ZNF335: variants seen among roughly 807,000 people sequenced by gnomAD.
The protein encoded by ZNF335 is zinc finger protein 335, also known as NRC-interacting factor 1.
ZNF335 carries 84 observed loss-of-function variants against 145.6 expected under a neutral mutation model. The ratio of observed to expected loss-of-function variants is 0.58; its 90% confidence interval spans 0.48 to 0.69. ZNF335 has a LOEUF of 0.69. Ranked by LOEUF, ZNF335 falls within the 30% of genes least tolerant of loss-of-function variation. The pLI is 0.00. For missense variants in ZNF335, 1,865 were observed against 1,809.7 expected, an observed-to-expected ratio of 1.03 and a Z score of -0.55; for synonymous variants, 761 against 717.0, an observed-to-expected ratio of 1.06 and a Z score of -0.98.
chr20:45,963,778 C>T lies in ZNF335; in HGVS notation c.1315G>A (p.Gly439Ser). Reference protein sequence around the residue: ...DEHDTLPRRRGRPSRRFLGKK... With the variant: ...DEHDTLPRRRSRPSRRFLGKK... ...CCTAGGAAGCGCCTGGAAGGTCGACCTCGGCGCCGGGGCAGAGTGTCATGC... is the reference window on the plus strand; with the variant it reads ...CCTAGGAAGCGCCTGGAAGGTCGACTTCGGCGCCGGGGCAGAGTGTCATGC... Residue 439 changes from glycine (G) to serine (S), a missense_variant, in exon 8 of 28, where the codon GGT becomes AGT. Physicochemically the swap from Gly to Ser is moderately conservative, Grantham distance 56. Coordinates refer to ENST00000322927, the MANE Select transcript of ZNF335 (RefSeq NM_022095.4). 3 of 1,614,184 alleles carry T rather than the reference C, an allele frequency of 1.9e-6. No individual in the cohort carries two copies. The highest frequency in any genetic ancestry group is 2.5e-6 in the Non-Finnish European group (3 of 1,180,006).
At chr20:45,964,294 TACAG>T in intron 7 of ZNF335, 1 of 317,458 alleles carries the variant, frequency 3.2e-6, no homozygotes, top group East Asian at 5.2e-5. Flanking sequence ...GCTGTGCACC[TACAG>T]ACAAAGCCAT....
In ZNF335 at chr20:45,952,318, CGGG is replaced by C. The variant is rs1568807152; in HGVS notation, c.3015_3017del (p.Pro1006del). 1.9e-6 allele frequency: 3 copies of C among 1,613,288 alleles called. No homozygotes were observed. Among genetic ancestry groups the C allele is most frequent in the African/African-American group, 2.7e-5 (2 of 74,932 alleles). ...CAGCAGTGGCTGCAGATGGCGGTGA[CGGG>C]GGCACTGCCAGGCCCAGGGCTTTGC... On this transcript the variant is annotated inframe_deletion, in exon 20 of 28. Coordinates refer to ENST00000322927, the MANE Select transcript of ZNF335 (RefSeq NM_022095.4).
intron 10 of ZNF335, 55 bp downstream of exon 10, chr20:45,962,015 C>T: frequency 7.7e-7 from 1 of 1,303,458 alleles, no homozygotes; most frequent in East Asian, 2.3e-5. Flanking sequence ...CGGGCCTCCA[C>T]TTCCCCACCC....
chr20:45,953,073 C>T (rs770067622), intron 18 of ZNF335, among the ~76,000 whole-genome samples: 4 of 152,230 alleles, frequency 2.6e-5, no homozygotes, highest in Non-Finnish European at 5.9e-5. Flanking sequence ...TAAGAGCAGA[C>T]AGCAAATGCT....
Position 45,971,477 on chromosome 20 carries a change from C to A in ZNF335, c.-50-17G>T. The A allele has an allele frequency of 6.4e-7, 1 of 1,572,516 alleles. No individual in the cohort carries two copies. Among genetic ancestry groups the A allele is most frequent in the Non-Finnish European group, 8.6e-7 (1 of 1,165,608 alleles). ...AACTTCACTCTGAGAAGAGAGGTGA[C>A]CGTGGCTGGAACAAGTGGGCCATCT... On this transcript the variant is annotated splice_polypyrimidine_tract_variant and intron_variant, in intron 1 of 27. Coordinates refer to ENST00000322927, the MANE Select transcript of ZNF335 (RefSeq NM_022095.4).
intron 6 of ZNF335, 48 bp from the exon 7 acceptor site, chr20:45,965,822 C>T: frequency 1.3e-6 from 2 of 1,565,140 alleles, no homozygotes; most frequent in South Asian, 1.2e-5. Context: ...GGGACCTGCC[C>T]TTTCAGCCCT....
Position 45,949,056 on chromosome 20 carries a change from T to C in ZNF335, c.3926A>G (p.Gln1309Arg), listed in dbSNP as rs775942535. The stretch of plus-strand genomic sequence containing the variant: ...GTCTGTACCAAACAGGCCCTGGGCT[T>C]GGGCCATGGCAGCATCAGCCACTGC... ...VTAVADAAMA[Q>R]AQGLFGTDET... is the part of the protein sequence containing the mutation. Residue 1309 changes from glutamine to arginine, a missense_variant, in exon 28 of 28, where the codon CAA becomes CGA. Coordinates refer to ENST00000322927, the MANE Select transcript of ZNF335 (RefSeq NM_022095.4). 6.2e-7 allele frequency: 1 copy of C among 1,613,750 alleles called. No homozygotes were observed. Among genetic ancestry groups the C allele is most frequent in the South Asian group, 1.1e-5 (1 of 91,074 alleles).
Position 45,952,188 on chromosome 20 carries a change from G to T in ZNF335, c.3148C>A (p.Pro1050Thr), listed in dbSNP as rs1486771292. 4 of 1,610,772 alleles carry T rather than the reference G, an allele frequency of 2.5e-6. No individual in the cohort carries two copies. Among genetic ancestry groups the T allele is most frequent in the Non-Finnish European group, 3.4e-6 (4 of 1,178,486 alleles). ...AHAGPGAFKCPDCPFSARQWP... is the reference protein window; with the variant it reads ...AHAGPGAFKCTDCPFSARQWP... The stretch of plus-strand genomic sequence containing the variant: ...TGGCGGGCACTGAAGGGGCAGTCGG[G>T]GCACTTGAAGGCACCAGGCCCAGCG... The change falls in exon 20 of 28, where the codon CCC becomes ACC. Residue 1050 changes from proline (P) to threonine (T), a missense_variant. By Grantham distance (38) the Pro-to-Thr change is conservative (BLOSUM62 -1). Coordinates refer to ENST00000322927, the MANE Select transcript of ZNF335 (RefSeq NM_022095.4).
rs1211620028 is a variant in ZNF335, at chr20:45,952,322, G to A, written c.3014C>T (p.Pro1005Leu). ...AGTGGCTGCAGATGGCGGTGACGGGGGCACTGCCAGGCCCAGGGCTTTGCT... is the reference window on the plus strand; with the variant it reads ...AGTGGCTGCAGATGGCGGTGACGGGAGCACTGCCAGGCCCAGGGCTTTGCT... ...ATSKALGLAV[P>L]PSPPSAATAA... Residue 1005 changes from proline (P) to leucine (L), a missense_variant, in exon 20 of 28, where the codon CCC (proline) becomes CTC (leucine). Coordinates refer to ENST00000322927, the MANE Select transcript of ZNF335 (RefSeq NM_022095.4). 1 of 1,613,412 alleles carries A rather than the reference G, an allele frequency of 6.2e-7. No individual in the cohort carries two copies. Among genetic ancestry groups the A allele is most frequent in the Non-Finnish European group, 8.5e-7 (1 of 1,179,960 alleles).
intron 25 of ZNF335, 35 bp from the exon 26 acceptor site, chr20:45,949,433 G>A: frequency 6.2e-7 from 1 of 1,614,038 alleles, no homozygotes; most frequent in Non-Finnish European, 8.5e-7. Context: ...ATCCTAGGGA[G>A]AGGTCATGCA....
intron 2 of ZNF335, among the ~76,000 whole-genome samples, chr20:45,970,492 C>A (rs930186274): frequency 5.9e-5 from 9 of 152,234 alleles, no homozygotes; most frequent in Admixed American, 6.5e-5. Context: ...CTCTATGAGG[C>A]AGGTATATTT....
intron 15 of ZNF335, 62 bp from the exon 16 acceptor site, chr20:45,957,990 C>A: frequency 7.5e-7 from 1 of 1,338,570 alleles, no homozygotes; most frequent in Non-Finnish European, 1.1e-6. Flanking sequence ...TGCCATTTGC[C>A]AAGCACCTCT....
At chr20:45,951,559 A>C (rs2083632280) in intron 20 of ZNF335, among the ~76,000 whole-genome samples, 2 of 152,228 alleles carry the variant, frequency 1.3e-5, no homozygotes, top group African/African-American at 4.8e-5. Context: ...TTCATCAGAT[A>C]TTAGTTAGAT....
chr20:45,949,582 G>T lies in ZNF335; in HGVS notation c.3670-14C>A. The T allele has an allele frequency of 6.2e-7, 1 of 1,603,610 alleles. No individual in the cohort carries two copies. On this transcript the variant is annotated splice_polypyrimidine_tract_variant and intron_variant, in intron 24 of 27. Coordinates refer to ENST00000322927, the MANE Select transcript of ZNF335 (RefSeq NM_022095.4). The stretch of plus-strand genomic sequence containing the variant: ...GATATACTGCACCTGTTGGTGGGGG[G>T]GGCGGGCATGGCGAGGCAGGTGCTG...
At position 45,965,753 on chromosome 20, in the gene ZNF335, G is replaced by A; in HGVS notation, c.977C>T (p.Ala326Val). ...CTGCCGGCCTCGGGGCTCATCCTCA[G>A]CTGGATTATAGTCGCTATCCTCTGT... ...DLEEDSDYNPAEDEPRGRQLR... is the reference protein window; with the variant it reads ...DLEEDSDYNPVEDEPRGRQLR... Residue 326 changes from alanine to valine, a missense_variant, in exon 7 of 28, where the codon GCT (alanine) becomes GTT (valine). Transcript: ENST00000322927. The A allele has an allele frequency of 6.2e-7, 1 of 1,605,514 alleles. No individual in the cohort carries two copies. The highest frequency in any genetic ancestry group is 8.5e-7 in the Non-Finnish European group (1 of 1,176,112).
chr20:45,953,603 C>G, intron 18 of ZNF335, 86 bp downstream of exon 18: 2 of 1,556,484 alleles, frequency 1.3e-6, no homozygotes, highest in Non-Finnish European at 1.7e-6. Context: ...TGCCTCCTGC[C>G]AACTAGGCTT....
chr20:45,963,575 G>C lies in ZNF335; in HGVS notation c.1431C>G (p.His477Gln), dbSNP rs145239338. ...AGTTGACGTGGAAGCGCAGGTCCTC[G>C]TGGGACAGAAAGCGAGAACCACAGA... is the stretch of plus-strand genomic sequence containing the variant. ...CRICGSRFLS[H>Q]EDLRFHVNSH... The change falls in exon 9 of 28, where the codon CAC (histidine) becomes CAG (glutamine). Residue 477 changes from histidine to glutamine, a missense_variant. His to Gln is a conservative substitution (Grantham distance 24). Transcript: ENST00000322927. The C allele has an allele frequency of 6.2e-7, 1 of 1,614,226 alleles. No homozygotes were observed. Among genetic ancestry groups the C allele is most frequent in the African/African-American group, 1.3e-5 (1 of 75,054 alleles).
chr20:45,969,864 GT>G, intron 2 of ZNF335, 173 bp from the exon 3 acceptor site: 1 of 783,868 alleles, frequency 1.3e-6, no homozygotes, highest in South Asian at 2.4e-5. Context: ...CAGTCACAGA[GT>G]CCCCCAGGAA....
At position 45,960,740 on chromosome 20, in the gene ZNF335, G is replaced by A. The variant is rs1021944169; in HGVS notation, c.1666-8C>T. On this transcript the variant is annotated splice_region_variant and splice_polypyrimidine_tract_variant and intron_variant, in intron 11 of 27. Transcript: ENST00000322927. ...AGAGCTCAGCTTTGGAGTCTAGGAA[G>A]GCATAAGAAGGGGCCAGATGGAGAA... The A allele has an allele frequency of 1.6e-5, 26 of 1,613,426 alleles. No homozygotes were observed. The highest frequency in any genetic ancestry group is 2.2e-5 in the Non-Finnish European group (26 of 1,179,472).
Sources: gnomAD v4.1 joint callset for allele counts (sites outside exome capture counted in the v4.1 genomes callset) on GRCh38, gnomAD v4.1.1 for gene constraint, MANE v1.5 for transcripts, NCBI Gene and HGNC (gene_info 2026-07-23, HGNC 2026-07-21) for gene names.